Variants in MYO1D observed in about 807,000 individuals in gnomAD.
MYO1D encodes unconventional myosin-Id.
In MYO1D, 83 loss-of-function variants were observed where a neutral mutation model predicts 122.0. The ratio of observed to expected loss-of-function variants is 0.68; its 90% CI spans 0.57 to 0.82. The LOEUF (loss-of-function observed/expected upper bound fraction) is 0.82. Ranked by LOEUF, MYO1D falls within the 40% of genes least tolerant of loss-of-function variation. MYO1D has a pLI of 0.00. For missense variants in MYO1D, 1,157 were observed against 1,269.5 expected, an observed-to-expected ratio of 0.91 and a Z score of 1.35; for synonymous variants, 464 against 446.9, an observed-to-expected ratio of 1.04 and a Z score of -0.48.
intron 1 of MYO1D, among the ~76,000 whole-genome samples, chr17:32,806,941 C>T (rs773667582): frequency 6.6e-6 from 1 of 152,156 alleles, no homozygotes; most frequent in Non-Finnish European, 1.5e-5. Flanking sequence ...TAAGCCTTAA[C>T]TAAATAACAT....
intron 16 of MYO1D, among the ~76,000 whole-genome samples, chr17:32,660,479 T>C (rs745554197): frequency 9.9e-5 from 15 of 152,226 alleles, no homozygotes; most frequent in Non-Finnish European, 2.1e-4. Flanking sequence ...TCAGTTGTTT[T>C]AGGTTTGTCC....
chr17:32,841,935 G>C (rs1355216555), intron 1 of MYO1D, among the ~76,000 whole-genome samples: 1 of 152,152 alleles, frequency 6.6e-6, no homozygotes, highest in Non-Finnish European at 1.5e-5. Flanking sequence ...GGCTAAGAAA[G>C]AGACATTACA....
rs559232940 is a variant in MYO1D, at chr17:32,693,849, A to C, written c.2121+18139T>G. On this transcript the variant is annotated intron_variant, in intron 16 of 21. Coordinates refer to ENST00000318217, the MANE Select transcript of MYO1D (RefSeq NM_015194.3). Reference sequence around the variant, plus strand: ...TATGCTTTTATCGTTTTATTCACCAAGTAGGTGGGAAGAGAAAAAAGGAGA... The same window carrying C: ...TATGCTTTTATCGTTTTATTCACCACGTAGGTGGGAAGAGAAAAAAGGAGA... 2.6e-4 allele frequency among the ~76,000 whole-genome samples: 40 copies of C among 152,324 alleles called. No homozygotes were observed. The East Asian group carries it at 7.5e-3, about 29-fold the overall frequency.
intron 7 of MYO1D, among the ~76,000 whole-genome samples, chr17:32,766,327 T>G (rs2151019998): frequency 6.6e-6 from 1 of 152,376 alleles, no homozygotes; most frequent in South Asian, 2.1e-4. Context: ...AATCTGTTGA[T>G]CTGGTGCTGA....
At chr17:32,766,958 A>G (rs1331271068) in intron 7 of MYO1D, among the ~76,000 whole-genome samples, 1 of 152,226 alleles carries the variant, frequency 6.6e-6, no homozygotes, top group Admixed American at 6.5e-5. Context: ...TTTTTCATAA[A>G]GATCCTGCAC....
intron 19 of MYO1D, among the ~76,000 whole-genome samples, chr17:32,639,363 T>TTGTGTG (rs10674390): frequency 0.041 from 5,182 of 127,826 alleles, 112 homozygotes; most frequent in Non-Finnish European, 0.057. Context: ...GGGAGAAATT[T>TTGTGTG]TGTGTGTGTG....
At chr17:32,577,491 C>T (rs2087289519) in intron 21 of MYO1D, among the ~76,000 whole-genome samples, 1 of 152,108 alleles carries the variant, frequency 6.6e-6, no homozygotes. Context: ...CAACATTTGT[C>T]AGGTGCTGAG....
At chr17:32,765,807 A>G (rs1355806719) in intron 7 of MYO1D, among the ~76,000 whole-genome samples, 2 of 152,120 alleles carry the variant, frequency 1.3e-5, no homozygotes, top group Non-Finnish European at 2.9e-5. Context: ...GGTACATGGT[A>G]TCAAGTAAGA....
intron 1 of MYO1D, among the ~76,000 whole-genome samples, chr17:32,813,558 G>C (rs1340581255): frequency 6.6e-6 from 1 of 152,124 alleles, no homozygotes; most frequent in African/African-American, 2.4e-5. Flanking sequence ...AGGCTGAGAG[G>C]CTTCAGAAAG....
chr17:32,669,706 A>G (rs1377419381), intron 16 of MYO1D, among the ~76,000 whole-genome samples: 1 of 152,226 alleles, frequency 6.6e-6, no homozygotes, highest in Admixed American at 6.5e-5. Flanking sequence ...ATGAAATCAA[A>G]CAAAATAAAA....
In MYO1D at chr17:32,654,654, T is replaced by C. The variant is rs747888481; in HGVS notation, c.2346-33A>G. The C allele has an allele frequency of 1.6e-5, 25 of 1,536,656 alleles. No homozygotes were observed. In the Middle Eastern group the frequency reaches 5.5e-4, roughly 34 times the overall value. ...TAAATAGACAACATGTATTAGACTT[T>C]AGAAATGCAATCCCATGCATTCTCT... On this transcript the variant is annotated intron_variant, in intron 17 of 21. Transcript: ENST00000318217.
intron 21 of MYO1D, among the ~76,000 whole-genome samples, chr17:32,590,882 A>T (rs1276867905): frequency 6.6e-6 from 1 of 152,250 alleles, no homozygotes; most frequent in African/African-American, 2.4e-5. Context: ...GTTTAGAGCT[A>T]CGGCCTTTAA....
chr17:32,559,616 A>G (rs2150889126), intron 21 of MYO1D, among the ~76,000 whole-genome samples: 1 of 152,326 alleles, frequency 6.6e-6, no homozygotes, highest in South Asian at 2.1e-4. Flanking sequence ...GTTGTTCTCA[A>G]TCTATTCTGG....
At chr17:32,833,780 G>A (rs2090794031) in intron 1 of MYO1D, among the ~76,000 whole-genome samples, 1 of 152,028 alleles carries the variant, frequency 6.6e-6, no homozygotes, top group African/African-American at 2.4e-5. Flanking sequence ...TGCATCTGCT[G>A]TTCCCTCTGC....
intron 1 of MYO1D, among the ~76,000 whole-genome samples, chr17:32,841,177 C>CCATTGTAGGCCAGGCACAGTGGTTCA (rs2090876714): frequency 6.6e-6 from 1 of 151,956 alleles, no homozygotes; most frequent in Non-Finnish European, 1.5e-5. Flanking sequence ...GGCTGTAACC[C>CCATTGTAGGCCAGGCACAGTGGTTCA]CATTGTAGGC....
chr17:32,767,711 A>C lies in MYO1D; in HGVS notation c.756T>G (p.Asp252Glu), dbSNP rs889603445. The change falls in exon 7 of 22, where the codon GAT (aspartate) becomes GAG (glutamate). Residue 252 changes from aspartate (D) to glutamate (E), a missense_variant. By Grantham distance (45) the Asp-to-Glu change is conservative. Coordinates refer to ENST00000318217, the MANE Select transcript of MYO1D (RefSeq NM_015194.3). ...GTTTGAAGCCAATGACTTTCATGGCATCAGCAACAACTCTGAATTCGGCAG... is the reference window on the plus strand; with the variant it reads ...GTTTGAAGCCAATGACTTTCATGGCCTCAGCAACAACTCTGAATTCGGCAG... Reference protein sequence around the residue: ...NDAAEFRVVADAMKVIGFKPE... With the variant: ...NDAAEFRVVAEAMKVIGFKPE... 1.2e-6 allele frequency: 2 copies of C among 1,613,874 alleles called. No individual in the cohort carries two copies. The highest frequency in any genetic ancestry group is 1.7e-6 in the Non-Finnish European group (2 of 1,179,958).
chr17:32,602,859 T>C (rs2087578450), intron 21 of MYO1D: 1 of 152,130 alleles, frequency 6.6e-6, no homozygotes, highest in Non-Finnish European at 1.5e-5. Context: ...ACAATGTGAA[T>C]TTCAATGTCA....
chr17:32,808,659 C>A (rs886126909), intron 1 of MYO1D, among the ~76,000 whole-genome samples: 2 of 152,114 alleles, frequency 1.3e-5, no homozygotes, highest in Non-Finnish European at 2.9e-5. Flanking sequence ...ACCAGGTCAT[C>A]AAGGGTAGAG....
intron 20 of MYO1D, among the ~76,000 whole-genome samples, chr17:32,607,600 T>G (rs1450762208): frequency 6.6e-6 from 1 of 152,174 alleles, no homozygotes; most frequent in Non-Finnish European, 1.5e-5. Flanking sequence ...TATTAATCTA[T>G]AGATTTAATG....
Sources: gnomAD v4.1 joint callset for allele counts (sites outside exome capture counted in the v4.1 genomes callset) on GRCh38, gnomAD v4.1.1 for gene constraint, MANE v1.5 for transcripts, NCBI Gene and HGNC (gene_info 2026-07-23, HGNC 2026-07-21) for gene names.